KREMEN2: variants seen among roughly 807,000 people sequenced by gnomAD.
The protein encoded by KREMEN2 is kringle containing transmembrane protein 2.
In KREMEN2, 43 loss-of-function variants were observed where a neutral mutation model predicts 49.8. The ratio of observed to expected loss-of-function variants is 0.86; its 90% CI spans 0.68 to 1.11. The LOEUF is 1.11. KREMEN2 is among the 50% of genes most tolerant of loss of function. The probability of loss-of-function intolerance (pLI) is 0.00; values close to 1 mark genes in which losing one functional copy is unlikely to be tolerated. For missense variants in KREMEN2, 686 were observed against 665.7 expected, an observed-to-expected ratio of 1.03 and a Z score of -0.34; for synonymous variants, 355 against 304.9, an observed-to-expected ratio of 1.16 and a Z score of -1.71.
At chr16:2,965,769 CAA>C (rs5815141) in intron 2 of KREMEN2, among the ~76,000 whole-genome samples, 131 of 115,614 alleles carry the variant, frequency 1.1e-3, no homozygotes, top group South Asian at 9.5e-3. Flanking sequence ...AGACTCGTCT[CAA>C]AAAAAAAAAA....
At chr16:2,965,097 G>A (rs1201000492) in intron 2 of KREMEN2, 64 bp downstream of exon 2, 8 of 1,346,362 alleles carry the variant, frequency 5.9e-6, no homozygotes, top group South Asian at 3.1e-5. Flanking sequence ...GGCCCGAAGC[G>A]GGGCCTCCGT....
rs2071791054 is a variant in KREMEN2 at position 2,965,044 on chromosome 16, G to A, written c.269+11G>A. ...GCACAACTTCTGCCGGTGAGGGGCG[G>A]GGCCTGCGCTGGGGGCGAGGCTGGG... On this transcript the variant is annotated intron_variant, in intron 2 of 8. Coordinates refer to ENST00000303746, the MANE Select transcript of KREMEN2 (RefSeq NM_172229.3). 1 of 1,521,540 alleles carries A rather than the reference G, an allele frequency of 6.6e-7. No homozygotes were observed. The highest frequency in any genetic ancestry group is 8.8e-7 in the Non-Finnish European group (1 of 1,138,726). 94.3% of individuals were successfully genotyped at this position (1,521,540 alleles called of 1,614,324 possible). A position where few individuals can be genotyped will look rare whatever the true frequency, so the allele number is the denominator to read the frequency against.
In KREMEN2 at chr16:2,966,163, C is replaced by G. The variant is rs1372264584; in HGVS notation, c.293C>G (p.Pro98Arg). 1.9e-6 allele frequency: 3 copies of G among 1,612,392 alleles called. No individual in the cohort carries two copies. The highest frequency in any genetic ancestry group is 2.5e-6 in the Non-Finnish European group (3 of 1,179,992). The part of the protein sequence containing the change: ...FCRNPDGDVQ[P>R]WCYVAETEEG... ...AGTAACCCAGACGGTGACGTGCAGCCGTGGTGCTACGTGGCTGAGACAGAG... is the reference window on the plus strand; with the variant it reads ...AGTAACCCAGACGGTGACGTGCAGCGGTGGTGCTACGTGGCTGAGACAGAG... Residue 98 changes from proline to arginine, a missense_variant, in exon 3 of 9, where the codon CCG becomes CGG. Pro to Arg is a moderately radical substitution (Grantham distance 103). Transcript: ENST00000303746. This position sits in a 1 kb window ranked among gnomAD's most constrained non-coding sequence, Gnocchi z 8.4.
In KREMEN2 at chr16:2,967,937, C is replaced by G; in HGVS notation, c.1306C>G (p.Gln436Glu). ...CTTGCCCTGCTCCCCCGGGGACCCCCAGGCTGAGGGTTCTGCCGCGGGCTA... is the reference window on the plus strand; with the variant it reads ...CTTGCCCTGCTCCCCCGGGGACCCCGAGGCTGAGGGTTCTGCCGCGGGCTA... ...VALPCSPGDP[Q>E]AEGSAAGYRP... is the part of the protein sequence containing the mutation. Residue 436 changes from glutamine (Q) to glutamate (E), a missense_variant, in exon 9 of 9, where the codon CAG (glutamine) becomes GAG (glutamate). Coordinates refer to ENST00000303746, the MANE Select transcript of KREMEN2 (RefSeq NM_172229.3). The G allele has an allele frequency of 6.3e-7, 1 of 1,584,486 alleles. No individual in the cohort carries two copies. Among genetic ancestry groups the G allele is most frequent in the Non-Finnish European group, 8.6e-7 (1 of 1,167,456 alleles).
rs550749201 is a variant in KREMEN2 at position 2,966,802 on chromosome 16, A to T, written c.640+7A>T. ...CGGCTGGGCGTCTATGAAGGTGAGG[A>T]GTGGGCGGGGACCAGGGGCCTGGGC... On this transcript the variant is annotated splice_region_variant and intron_variant, in intron 5 of 8. Coordinates refer to ENST00000303746, the MANE Select transcript of KREMEN2 (RefSeq NM_172229.3). This position sits in a 1 kb window ranked among gnomAD's most constrained non-coding sequence, Gnocchi z 8.4. 4.4e-6 allele frequency: 7 copies of T among 1,595,786 alleles called. No homozygotes were observed. In the East Asian group the frequency reaches 8.9e-5, roughly 20 times the overall value.
At position 2,966,056 on chromosome 16, in the gene KREMEN2, A is replaced by C; in HGVS notation, c.270-84A>C. The C allele has an allele frequency of 8.0e-7, 1 of 1,244,774 alleles. No homozygotes were observed. The highest frequency in any genetic ancestry group is 2.3e-5 in the East Asian group (1 of 42,920). 77.1% of individuals were successfully genotyped at this position (1,244,774 alleles called of 1,614,324 possible). On this transcript the variant is annotated intron_variant, in intron 2 of 8. Coordinates refer to ENST00000303746, the MANE Select transcript of KREMEN2 (RefSeq NM_172229.3). This position sits in a 1 kb window ranked among gnomAD's most constrained non-coding sequence, Gnocchi z 8.4. ...TCACAGGCACAGAGCCTTGAAGGCC[A>C]CTTTGAGCATAGGCTGCGGGGCCGG...
At position 2,967,959 on chromosome 16, in the gene KREMEN2, G is replaced by T. The variant is rs768463228; in HGVS notation, c.1328G>T (p.Gly443Val). 3 of 1,586,454 alleles carry T rather than the reference G, an allele frequency of 1.9e-6. No homozygotes were observed. Among genetic ancestry groups the T allele is most frequent in the Non-Finnish European group, 1.7e-6 (2 of 1,169,868 alleles). The change falls in exon 9 of 9, where the codon GGC becomes GTC. Residue 443 changes from glycine to valine, a missense_variant. Physicochemically the swap from Gly to Val is moderately radical, Grantham distance 109. Coordinates refer to ENST00000303746, the MANE Select transcript of KREMEN2 (RefSeq NM_172229.3). ...CCCCAGGCTGAGGGTTCTGCCGCGG[G>T]CTACCGGCCTCTGAGTGCCTCCAGC... is the stretch of plus-strand genomic sequence containing the variant. ...GDPQAEGSAA[G>V]YRPLSASSQS... is the part of the protein sequence containing the mutation.
chr16:2,964,976 A>T lies in KREMEN2; in HGVS notation c.212A>T (p.Tyr71Phe). 6.3e-7 allele frequency: 1 copy of T among 1,578,356 alleles called. No individual in the cohort carries two copies. Among genetic ancestry groups the T allele is most frequent in the Non-Finnish European group, 8.6e-7 (1 of 1,163,484 alleles). Residue 71 changes from tyrosine (Y) to phenylalanine (F), a missense_variant, in exon 2 of 9, where the codon TAC becomes TTC. Transcript: ENST00000303746. The stretch of plus-strand genomic sequence containing the variant: ...TGGGACCAGACGCAGCAACACAGCT[A>T]CAGCAGCGCCAGCGACCCCCACGGC... ...LFWDQTQQHS[Y>F]SSASDPHGRW...
In KREMEN2 at chr16:2,964,913, G is replaced by C; in HGVS notation, c.149G>C (p.Arg50Pro). 6.2e-7 allele frequency: 1 copy of C among 1,607,500 alleles called. No homozygotes were observed. Among genetic ancestry groups the C allele is most frequent in the Middle Eastern group, 1.7e-4 (1 of 6,046 alleles). Residue 50 changes from arginine (R) to proline (P), a missense_variant, in exon 2 of 9, where the codon CGC (arginine) becomes CCC (proline). Coordinates refer to ENST00000303746, the MANE Select transcript of KREMEN2 (RefSeq NM_172229.3). ...NGADYRGHQN[R>P]TGPRGAGRPC... ...GCTGACTACCGCGGCCACCAGAACC[G>C]CACTGGCCCGCGCGGGGCGGGCCGC...
chr16:2,966,776 G>C lies in KREMEN2; in HGVS notation c.621G>C (p.Gly207=). 6.2e-7 allele frequency: 1 copy of C among 1,611,458 alleles called. No individual in the cohort carries two copies. Among genetic ancestry groups the C allele is most frequent in the South Asian group, 1.1e-5 (1 of 91,016 alleles). ...GHPGQLCGGD[G]RLGVYEVSVG... ...CTGGACAGCTGTGTGGCGGCGATGG[G>C]CGGCTGGGCGTCTATGAAGGTGAGG... Residue 207 remains glycine (G), a synonymous_variant, in exon 5 of 9, where the codon GGG becomes GGC. Transcript: ENST00000303746. The surrounding 1 kb of genome is among the most constrained non-coding windows in gnomAD (Gnocchi z 8.4).
Position 2,966,948 on chromosome 16 carries a change from C to G in KREMEN2, c.679C>G (p.Gln227Glu). Residue 227 changes from glutamine (Q) to glutamate (E), a missense_variant, in exon 6 of 9, where the codon CAG (glutamine) becomes GAG (glutamate). By Grantham distance (29) the Gln-to-Glu change is conservative (BLOSUM62 2). Transcript: ENST00000303746. The surrounding 1 kb of genome is among the most constrained non-coding windows in gnomAD (Gnocchi z 8.4). ...GSCQGNWTAP[Q>E]GVIYSPDFPD... ...CTGCCAGGGGAACTGGACAGCGCCT[C>G]AGGGCGTCATCTACTCCCCGGACTT... 2 of 1,556,442 alleles carry G rather than the reference C, an allele frequency of 1.3e-6. No individual in the cohort carries two copies. Among genetic ancestry groups the G allele is most frequent in the Non-Finnish European group, 1.7e-6 (2 of 1,149,650 alleles).
chr16:2,965,010 G>A lies in KREMEN2; in HGVS notation c.246G>A (p.Gly82=), dbSNP rs774035652. ...CCAGCGACCCCCACGGCCGCTGGGG[G>A]CTGGGCGCGCACAACTTCTGCCGGT... The part of the protein sequence containing the change: ...SSASDPHGRW[G]LGAHNFCRNP... Residue 82 remains glycine, a synonymous_variant, in exon 2 of 9, where the codon GGG becomes GGA. Transcript: ENST00000303746. 8.4e-6 allele frequency: 13 copies of A among 1,552,088 alleles called. No individual in the cohort carries two copies. Among genetic ancestry groups the A allele is most frequent in the South Asian group, 1.2e-5 (1 of 85,096 alleles).
Position 2,967,738 on chromosome 16 carries a change from G to C in KREMEN2, c.1179-72G>C, listed in dbSNP as rs1221615296. 3.2e-6 allele frequency: 5 copies of C among 1,545,910 alleles called. No individual in the cohort carries two copies. The East Asian group carries it at 9.8e-5, about 30-fold the overall frequency. On this transcript the variant is annotated intron_variant, in intron 8 of 8. Coordinates refer to ENST00000303746, the MANE Select transcript of KREMEN2 (RefSeq NM_172229.3). The stretch of plus-strand genomic sequence containing the variant: ...TTTGGGTCCACGCACAGGATCGCGC[G>C]CGGGATCGCAGGTAGAGCAGGACGC...
chr16:2,965,299 C>CA (rs1174354270), intron 2 of KREMEN2, among the ~76,000 whole-genome samples: 2 of 152,160 alleles, frequency 1.3e-5, no homozygotes, highest in African/African-American at 4.8e-5. Context: ...CCTGGGCACT[C>CA]AAAGGACCCG....
In KREMEN2 at chr16:2,964,485, G is replaced by A. The variant is rs1195671219; in HGVS notation, c.-36G>A. ...CGACCCCGGGGGCAGCCCGGGCCGTGTCCGGGCGAGGGTGACCTATCCTTG... is the reference window on the plus strand; with the variant it reads ...CGACCCCGGGGGCAGCCCGGGCCGTATCCGGGCGAGGGTGACCTATCCTTG... On this transcript the variant is annotated 5_prime_UTR_variant, in exon 1 of 9. Coordinates refer to ENST00000303746, the MANE Select transcript of KREMEN2 (RefSeq NM_172229.3). 1.3e-6 allele frequency: 2 copies of A among 1,489,966 alleles called. No homozygotes were observed. The highest frequency in any genetic ancestry group is 1.4e-5 in the African/African-American group (1 of 69,822). The allele number at this position is 1,489,966 out of a possible 1,614,324, so 92.3% of individuals were successfully genotyped here.
At position 2,968,281 on chromosome 16, in the gene KREMEN2, T is replaced by C. The variant is rs555194986; in HGVS notation, c.*261T>C. ...GGTTTCGGAGGTCTTTGAACCCCTC[T>C]GGGGGTGGTCCTGGACTGCCGTCCT... is the stretch of plus-strand genomic sequence containing the variant. On this transcript the variant is annotated 3_prime_UTR_variant, in exon 9 of 9. Coordinates refer to ENST00000303746, the MANE Select transcript of KREMEN2 (RefSeq NM_172229.3). 305 of 1,334,412 alleles carry C rather than the reference T, an allele frequency of 2.3e-4. 2 individuals carry two copies. In the South Asian group the frequency reaches 2.9e-3, roughly 13 times the overall value. The allele number at this position is 1,334,412 out of a possible 1,614,324, so 82.7% of individuals were successfully genotyped here.
chr16:2,968,231 G>A lies in KREMEN2; in HGVS notation c.*211G>A, dbSNP rs2071881029. 6.5e-6 allele frequency: 6 copies of A among 916,248 alleles called. No individual in the cohort carries two copies. Among genetic ancestry groups the A allele is most frequent in the African/African-American group, 1.6e-5 (1 of 60,662 alleles). 56.8% of individuals were successfully genotyped at this position (916,248 alleles called of 1,614,324 possible). A position where few individuals can be genotyped will look rare whatever the true frequency, so the allele number is the denominator to read the frequency against. On this transcript the variant is annotated 3_prime_UTR_variant, in exon 9 of 9. Transcript: ENST00000303746. ...TCCAGATGGTCCAGGCCCTCTCCAT[G>A]GACCTGTATGTGGGGGTGGTCTCTG...
Position 2,966,767 on chromosome 16 carries a change from C to T in KREMEN2, c.612C>T (p.Gly204=). The change falls in exon 5 of 9, where the codon GGC becomes GGT. Residue 204 remains glycine (G), a synonymous_variant. Coordinates refer to ENST00000303746, the MANE Select transcript of KREMEN2 (RefSeq NM_172229.3). The surrounding 1 kb of genome is among the most constrained non-coding windows in gnomAD (Gnocchi z 8.4). ...TCGGCCACCCTGGACAGCTGTGTGG[C>T]GGCGATGGGCGGCTGGGCGTCTATG... The part of the protein sequence containing the change: ...ICFGHPGQLC[G]GDGRLGVYEV... The T allele has an allele frequency of 6.2e-7, 1 of 1,611,504 alleles. No homozygotes were observed. The highest frequency in any genetic ancestry group is 8.5e-7 in the Non-Finnish European group (1 of 1,179,562).
Position 2,967,178 on chromosome 16 carries a change from G to A in KREMEN2, c.909G>A (p.Ala303=). The A allele has an allele frequency of 7.3e-7, 1 of 1,370,410 alleles. No individual in the cohort carries two copies. Among genetic ancestry groups the A allele is most frequent in the Non-Finnish European group, 9.3e-7 (1 of 1,071,370 alleles). 84.9% of individuals were successfully genotyped at this position (1,370,410 alleles called of 1,614,324 possible). Residue 303 remains alanine (A), a synonymous_variant, in exon 6 of 9, where the codon GCG becomes GCA. Coordinates refer to ENST00000303746, the MANE Select transcript of KREMEN2 (RefSeq NM_172229.3). ...GGCCGCTGCGCCTGGGCACTGCCGCGCTGCTGCTCACCTTCCGAAGCGACG... is the reference window on the plus strand; with the variant it reads ...GGCCGCTGCGCCTGGGCACTGCCGCACTGCTGCTCACCTTCCGAAGCGACG... ...PSGPLRLGTA[A]LLLTFRSDAR...
Sources: gnomAD v4.1 joint callset for allele counts (sites outside exome capture counted in the v4.1 genomes callset) on GRCh38, gnomAD v4.1.1 for gene constraint, Gnocchi (gnomAD v3.1) non-coding constraint, MANE v1.5 for transcripts, NCBI Gene and HGNC (gene_info 2026-07-23, HGNC 2026-07-21) for gene names.